PUM1: variants seen among roughly 807,000 people sequenced by gnomAD.
The protein encoded by PUM1 is pumilio homolog 1.
PUM1 carries 13 observed loss-of-function variants against 131.8 expected under a neutral mutation model. That is an observed-to-expected ratio of 0.10 (90% CI 0.06 to 0.16). The LOEUF (loss-of-function observed/expected upper bound fraction) is 0.16. Among genes scored for constraint, PUM1 ranks in the 10% least tolerant of loss-of-function variants. The pLI is 1.00. For synonymous variants in PUM1, 509 were observed against 556.5 expected, an observed-to-expected ratio of 0.91 and a Z score of 1.20; for missense variants, 961 against 1,512.4, an observed-to-expected ratio of 0.64 and a Z score of 6.05.
At chr1:30,964,998 G>A in intron 13 of PUM1, 88 bp from the exon 14 acceptor site, 1 of 1,125,924 alleles carries the variant, frequency 8.9e-7, no homozygotes, top group Non-Finnish European at 1.3e-6. Context: ...CTTTGATCCA[G>A]ACTCCTTACC....
chr1:31,013,555 A>G (rs1157566520), intron 3 of PUM1, among the ~76,000 whole-genome samples: 1 of 152,238 alleles, frequency 6.6e-6, no homozygotes, highest in Non-Finnish European at 1.5e-5. Flanking sequence ...ACTGGAATGC[A>G]GCCAATGCAG....
chr1:31,056,340 G>C (rs1252375857), intron 2 of PUM1, among the ~76,000 whole-genome samples: 2 of 152,072 alleles, frequency 1.3e-5, no homozygotes, highest in African/African-American at 4.8e-5. Context: ...GAGTGCAATG[G>C]TGTGATCTCT....
intron 2 of PUM1, among the ~76,000 whole-genome samples, chr1:31,037,453 A>G (rs909278047): frequency 2.0e-5 from 3 of 152,154 alleles, no homozygotes; most frequent in Admixed American, 1.3e-4. Flanking sequence ...GGCTGGGTAC[A>G]ATGGCTCATG....
chr1:30,932,453 G>GA lies in PUM1; in HGVS notation c.*757dup, dbSNP rs1638999951. On this transcript the variant is annotated 3_prime_UTR_variant, in exon 22 of 22. Transcript: ENST00000426105. The stretch of plus-strand genomic sequence containing the variant: ...CAGATTTTACCTTTCAATGTTAATA[G>GA]AAAAAAATCCAGTAGGCAGTAAACA... 6.6e-6 allele frequency: 1 copy of GA among 151,432 alleles called. No individual in the cohort carries two copies. Among genetic ancestry groups the GA allele is most frequent in the East Asian group, 1.9e-4 (1 of 5,150 alleles). 9.4% of individuals were successfully genotyped at this position (151,432 alleles called of 1,614,324 possible).
At chr1:30,969,683 G>C (rs1261272844) in intron 10 of PUM1, among the ~76,000 whole-genome samples, 4 of 151,936 alleles carry the variant, frequency 2.6e-5, no homozygotes, top group Non-Finnish European at 5.9e-5. Context: ...GTGCAGGGAA[G>C]AGACAGGGCC....
At chr1:30,981,548 C>T in intron 7 of PUM1, 143 bp from the exon 8 acceptor site, 1 of 531,176 alleles carries the variant, frequency 1.9e-6, no homozygotes, top group Non-Finnish European at 3.4e-6. Context: ...TACTTCATTC[C>T]CATGGGATTA....
At chr1:31,022,830 A>C (rs1643079536) in intron 3 of PUM1, among the ~76,000 whole-genome samples, 1 of 152,134 alleles carries the variant, frequency 6.6e-6, no homozygotes, top group Non-Finnish European at 1.5e-5. Flanking sequence ...AAAAAACATA[A>C]AGTTAAGGGA....
chr1:30,953,641 A>C, intron 15 of PUM1, 73 bp downstream of exon 15: 6 of 1,511,194 alleles, frequency 4.0e-6, no homozygotes, highest in Non-Finnish European at 5.5e-6. Context: ...ATTTAAGTAG[A>C]TACCCATCTG....
chr1:30,997,444 G>C (rs1354821694), intron 5 of PUM1, among the ~76,000 whole-genome samples: 1 of 151,260 alleles, frequency 6.6e-6, no homozygotes, highest in Non-Finnish European at 1.5e-5. Flanking sequence ...GTTGCAGTGA[G>C]CCAAGATCAC....
intron 7 of PUM1, 49 bp from the exon 8 acceptor site, chr1:30,981,454 A>C: frequency 8.1e-7 from 1 of 1,236,960 alleles, no homozygotes; most frequent in Non-Finnish European, 1.1e-6. Context: ...TGTCTTACAA[A>C]ATCATTTAAA....
intron 3 of PUM1, among the ~76,000 whole-genome samples, chr1:31,021,287 T>C (rs1643018139): frequency 6.6e-6 from 1 of 152,134 alleles, no homozygotes; most frequent in African/African-American, 2.4e-5. Flanking sequence ...TTCTTTATTC[T>C]CTCCCTGTAC....
At chr1:30,985,906 C>T (rs1309297994) in intron 7 of PUM1, among the ~76,000 whole-genome samples, 2 of 152,078 alleles carry the variant, frequency 1.3e-5, no homozygotes, top group African/African-American at 4.8e-5. Flanking sequence ...AAAATAATAG[C>T]TATCTGCATA....
chr1:31,010,391 G>C (rs150134340), intron 3 of PUM1, among the ~76,000 whole-genome samples: 15 of 152,236 alleles, frequency 9.9e-5, no homozygotes, highest in Non-Finnish European at 2.1e-4. Flanking sequence ...ACAAGTCATG[G>C]GATGTTCCTT....
chr1:31,014,721 G>A (rs549494823), intron 3 of PUM1, among the ~76,000 whole-genome samples: 40 of 151,740 alleles, frequency 2.6e-4, no homozygotes, highest in African/African-American at 9.2e-4. Context: ...CCCAGGAGGC[G>A]GAGGTTACAG....
At chr1:30,974,416 T>G (rs1446978441) in intron 10 of PUM1, among the ~76,000 whole-genome samples, 3 of 152,194 alleles carry the variant, frequency 2.0e-5, no homozygotes, top group African/African-American at 4.8e-5. Context: ...CTAAGCAATT[T>G]CCCTATAGGT....
intron 11 of PUM1, 46 bp downstream of exon 11, chr1:30,968,308 A>G (rs1640709829): frequency 6.3e-7 from 1 of 1,589,844 alleles, no homozygotes; most frequent in Non-Finnish European, 8.6e-7. Flanking sequence ...TCAAACGTGC[A>G]GCCTTTTTCC....
chr1:30,956,692 A>C (rs191195274), intron 14 of PUM1, among the ~76,000 whole-genome samples: 1 of 152,344 alleles, frequency 6.6e-6, no homozygotes, highest in Non-Finnish European at 1.5e-5. Flanking sequence ...AGCAACAAAC[A>C]TACCAAAGAA....
At chr1:30,971,401 A>G (rs1470547790) in intron 10 of PUM1, among the ~76,000 whole-genome samples, 3 of 152,218 alleles carry the variant, frequency 2.0e-5, no homozygotes, top group African/African-American at 4.8e-5. Context: ...AATGCTAAAA[A>G]CTTCTTAGTA....
chr1:30,998,617 C>T (rs1363189171), intron 5 of PUM1, among the ~76,000 whole-genome samples: 2 of 151,948 alleles, frequency 1.3e-5, no homozygotes, highest in African/African-American at 4.8e-5. Context: ...TGATCTACTC[C>T]AAGAATAGAT....
Sources: allele counts gnomAD v4.1 joint callset (sites outside exome capture counted in the v4.1 genomes callset), GRCh38; gene constraint gnomAD v4.1.1; transcripts MANE v1.5; gene names NCBI Gene and HGNC (gene_info 2026-07-23, HGNC 2026-07-21).